TNIK: variants seen among roughly 807,000 people sequenced by gnomAD.
TNIK encodes TRAF2 and NCK-interacting protein kinase.
A neutral mutation model predicts 191.3 loss-of-function variants in TNIK; 49 were observed. The observed-to-expected ratio is 0.26, with a 90% CI of 0.20 to 0.32. The LOEUF is 0.32. Ranked by LOEUF, TNIK falls within the 10% of genes least tolerant of loss-of-function variation. TNIK has a pLI of 1.00. For missense variants in TNIK, 1,155 were observed against 1,702.3 expected (o/e 0.68, Z 5.66); for synonymous variants, 594 against 600.9 (o/e 0.99, Z 0.17).
chr3:171,342,928 T>C (rs541339765), intron 2 of TNIK, among the ~76,000 whole-genome samples: 316 of 152,296 alleles, frequency 2.1e-3, no homozygotes, highest in Admixed American at 3.8e-3. Flanking sequence ...GATGGTTTTA[T>C]AAAGGACAGT....
At chr3:171,433,772 C>T (rs1383274625) in intron 1 of TNIK, among the ~76,000 whole-genome samples, 3 of 151,744 alleles carry the variant, frequency 2.0e-5, no homozygotes, top group African/African-American at 7.3e-5. Flanking sequence ...CTAAATTTTC[C>T]TATTCAGAAA....
rs934102908 is a variant in TNIK, at chr3:171,058,799, T to C, written c.*5082A>G. 3.3e-5 allele frequency among the ~76,000 whole-genome samples: 5 copies of C among 152,236 alleles called. No homozygotes were observed. The highest frequency in any genetic ancestry group is 7.3e-5 in the Non-Finnish European group (5 of 68,030). ...GCATCTCTCTACAGTTATATTAACA[T>C]AAATAAGGCAGCTAAAACGTTCAAA... is the stretch of plus-strand genomic sequence containing the variant. On this transcript the variant is annotated 3_prime_UTR_variant, in exon 33 of 33. Coordinates refer to ENST00000436636, the MANE Select transcript of TNIK (RefSeq NM_015028.4).
intron 4 of TNIK, among the ~76,000 whole-genome samples, chr3:171,207,888 A>G (rs1048881465): frequency 4.6e-5 from 7 of 152,192 alleles, no homozygotes; most frequent in African/African-American, 1.7e-4. Flanking sequence ...TTGTCAGCAT[A>G]TTACCCAGTG....
chr3:171,318,772 A>T (rs1174422815), intron 2 of TNIK, among the ~76,000 whole-genome samples: 2 of 152,212 alleles, frequency 1.3e-5, no homozygotes, highest in Non-Finnish European at 2.9e-5. Flanking sequence ...TTAAGCACTA[A>T]TGAAACACAT....
At chr3:171,225,115 A>C (rs1225465964) in intron 3 of TNIK, among the ~76,000 whole-genome samples, 1 of 152,142 alleles carries the variant, frequency 6.6e-6, no homozygotes, top group Non-Finnish European at 1.5e-5. Flanking sequence ...AATTCATTTC[A>C]GTTTTTTAAC....
intron 1 of TNIK, among the ~76,000 whole-genome samples, chr3:171,436,656 C>A (rs190245272): frequency 6.6e-6 from 1 of 152,286 alleles, no homozygotes; most frequent in Admixed American, 6.5e-5. Context: ...CACAAATGAG[C>A]CCAAATTATT....
At chr3:171,233,570 C>G (rs1363626952) in intron 2 of TNIK, among the ~76,000 whole-genome samples, 1 of 152,078 alleles carries the variant, frequency 6.6e-6, no homozygotes, top group Non-Finnish European at 1.5e-5. Flanking sequence ...TGGCCCTTAG[C>G]CAAAGAGCCA....
chr3:171,230,257 A>T (rs748454353), intron 2 of TNIK, among the ~76,000 whole-genome samples: 12 of 152,224 alleles, frequency 7.9e-5, no homozygotes, highest in Non-Finnish European at 1.5e-4. Context: ...TGATGCCGTA[A>T]TGATGACCCT....
chr3:171,331,447 G>A (rs1250629842), intron 2 of TNIK, among the ~76,000 whole-genome samples: 1 of 152,120 alleles, frequency 6.6e-6, no homozygotes, highest in Non-Finnish European at 1.5e-5. Context: ...TATTAAAATA[G>A]CATCTACTTG....
chr3:171,128,887 C>CAAAA lies in TNIK; in HGVS notation c.1609-13_1609-10dup, dbSNP rs59293515. Reference sequence around the variant, plus strand: ...CTTGACCGTTCTTCTACCTACAACCCAAAAAAAAAAAAAAAAAAAAGACAG... The same window carrying CAAAA: ...CTTGACCGTTCTTCTACCTACAACCCAAAAAAAAAAAAAAAAAAAAAAAAGACAG... On this transcript the variant is annotated splice_polypyrimidine_tract_variant and intron_variant, in intron 15 of 32. Coordinates refer to ENST00000436636, the MANE Select transcript of TNIK (RefSeq NM_015028.4). 0.017 allele frequency: 20,828 copies of CAAAA among 1,220,518 alleles called. 203 individuals are homozygous for CAAAA. Among genetic ancestry groups the CAAAA allele is most frequent in the African/African-American group, 0.066 (3,178 of 48,404 alleles). The allele number at this position is 1,220,518 out of a possible 1,614,324, so 75.6% of individuals were successfully genotyped here.
intron 6 of TNIK, 130 bp downstream of exon 6, chr3:171,190,567 A>G (rs1737928808): frequency 1.5e-6 from 1 of 673,546 alleles, no homozygotes; most frequent in African/African-American, 1.8e-5. Flanking sequence ...GCAAAGAAAC[A>G]TTTTCCTTTC....
intron 2 of TNIK, among the ~76,000 whole-genome samples, chr3:171,333,749 T>C (rs894152358): frequency 5.3e-5 from 8 of 152,218 alleles, no homozygotes; most frequent in African/African-American, 1.9e-4. Flanking sequence ...CCTATCCTAC[T>C]ACAAGGTCTT....
At chr3:171,313,983 A>C (rs893803377) in intron 2 of TNIK, among the ~76,000 whole-genome samples, 3 of 152,192 alleles carry the variant, frequency 2.0e-5, no homozygotes, top group Admixed American at 2.0e-4. Context: ...GGCAGGAAGG[A>C]AGGCAGAGAC....
intron 2 of TNIK, among the ~76,000 whole-genome samples, chr3:171,303,390 A>T (rs993221049): frequency 3.3e-5 from 5 of 152,244 alleles, no homozygotes; most frequent in African/African-American, 1.2e-4. Context: ...CATGTCATAA[A>T]TTTTATTTGA....
rs1223010088 is a variant in TNIK at position 171,253,770 on chromosome 3, G to A, written c.124-25549C>T. Reference sequence around the variant, plus strand: ...GGGAAACTCTGATCAAACAAATCTAGCCACTCTTTCCCTTAAAGAGCAAAA... The same window carrying A: ...GGGAAACTCTGATCAAACAAATCTAACCACTCTTTCCCTTAAAGAGCAAAA... On this transcript the variant is annotated intron_variant, in intron 2 of 32. Coordinates refer to ENST00000436636, the MANE Select transcript of TNIK (RefSeq NM_015028.4). Among the ~76,000 whole-genome samples, 4 of 149,512 alleles carry A rather than the reference G, an allele frequency of 2.7e-5. No homozygotes were observed. The East Asian group carries it at 8.1e-4, about 30-fold the overall frequency.
At chr3:171,161,415 A>C (rs1733972912) in intron 10 of TNIK, 79 bp from the exon 11 acceptor site, 1 of 1,286,308 alleles carries the variant, frequency 7.8e-7, no homozygotes, top group African/African-American at 1.5e-5. Context: ...CTTATATATA[A>C]ATAAATAGAC....
At position 171,063,690 on chromosome 3, in the gene TNIK, T is replaced by G. The variant is rs1194561979; in HGVS notation, c.*191A>C. On this transcript the variant is annotated 3_prime_UTR_variant, in exon 33 of 33. Transcript: ENST00000436636. ...CCTGGAAATTCCTGCCACCTTTTTCTCTCCTTCTCAACCAGGCTGCAACAT... is the reference window on the plus strand; with the variant it reads ...CCTGGAAATTCCTGCCACCTTTTTCGCTCCTTCTCAACCAGGCTGCAACAT... 2.0e-6 allele frequency: 1 copy of G among 508,526 alleles called. No homozygotes were observed. The highest frequency in any genetic ancestry group is 3.4e-6 in the Non-Finnish European group (1 of 292,296). 31.5% of individuals were successfully genotyped at this position (508,526 alleles called of 1,614,324 possible).
chr3:171,200,377 T>G (rs1739260144), intron 4 of TNIK, among the ~76,000 whole-genome samples: 1 of 151,852 alleles, frequency 6.6e-6, no homozygotes, highest in African/African-American at 2.4e-5. Context: ...AAGAATTGCT[T>G]GGATTATTTA....
intron 2 of TNIK, among the ~76,000 whole-genome samples, chr3:171,365,253 G>C (rs1396469410): frequency 4.7e-5 from 6 of 126,510 alleles, no homozygotes; most frequent in Non-Finnish European, 1.6e-5. Context: ...TGCGATCTCA[G>C]CTCACCAGAA....
Sources: gnomAD v4.1 joint callset for allele counts (sites outside exome capture counted in the v4.1 genomes callset) on GRCh38, gnomAD v4.1.1 for gene constraint, MANE v1.5 for transcripts, NCBI Gene and HGNC (gene_info 2026-07-23, HGNC 2026-07-21) for gene names.